The following SGK1 variants were observed in gnomAD, a reference collection of about 807,000 sequenced individuals.
SGK1 encodes the protein serum/glucocorticoid regulated kinase 1.
A neutral mutation model predicts 64.2 loss-of-function variants in SGK1; 26 were observed. The ratio of observed to expected loss-of-function variants is 0.40; its 90% CI spans 0.30 to 0.56. The LOEUF is 0.56. SGK1 is among the 20% of genes least tolerant of loss of function. SGK1 has a pLI of 0.38. For missense variants in SGK1, 519 were observed against 645.6 expected (o/e 0.80, Z 2.12); for synonymous variants, 265 against 239.7 (o/e 1.11, Z -0.98).
chr6:134,264,325 T>C (rs955456886), intron 1 of SGK1, among the ~76,000 whole-genome samples: 4 of 152,028 alleles, frequency 2.6e-5, no homozygotes, highest in Admixed American at 6.6e-5. Context: ...TTCATCGTGT[T>C]AGCCAGGATG....
chr6:134,229,752 G>C (rs1434868039), intron 2 of SGK1, among the ~76,000 whole-genome samples: 1 of 152,166 alleles, frequency 6.6e-6, no homozygotes. Flanking sequence ...TTGTTTGTGT[G>C]TGTGCCCAGG....
chr6:134,297,142 C>T (rs555692828), intron 1 of SGK1: 4 of 592,184 alleles, frequency 6.8e-6, no homozygotes, highest in Admixed American at 5.8e-5. Flanking sequence ...GTGAGGCCCC[C>T]ATAGGCTGAG....
chr6:134,285,516 A>G (rs1299453805), intron 1 of SGK1, among the ~76,000 whole-genome samples: 2 of 148,834 alleles, frequency 1.3e-5, no homozygotes, highest in African/African-American at 5.0e-5. Context: ...TTTTCACCAC[A>G]TCCGCACCAG....
Position 134,261,961 on chromosome 6 carries a change from C to A in SGK1, c.257G>T (p.Cys86Phe). 1 of 1,613,652 alleles carries A rather than the reference C, an allele frequency of 6.2e-7. No homozygotes were observed. The highest frequency in any genetic ancestry group is 8.5e-7 in the Non-Finnish European group (1 of 1,179,594). The change falls in exon 2 of 14, where the codon TGT (cysteine) becomes TTT (phenylalanine). Residue 86 changes from cysteine to phenylalanine, a missense_variant. Cys to Phe is a radical substitution (Grantham distance 205). Coordinates refer to ENST00000367858, the MANE Select transcript of SGK1 (RefSeq NM_001143676.3). ...ACACCCAGATTGAGTTTCCCATGAACATGACTCGTTCTCCTGAGGGAGAAC... is the reference window on the plus strand; with the variant it reads ...ACACCCAGATTGAGTTTCCCATGAAAATGACTCGTTCTCCTGAGGGAGAAC... ...RGVLPQENES[C>F]SWETQSGCEV...
intron 1 of SGK1, among the ~76,000 whole-genome samples, chr6:134,310,206 G>A (rs1222725384): frequency 1.3e-5 from 2 of 152,088 alleles, no homozygotes; most frequent in African/African-American, 4.8e-5. Flanking sequence ...TTCAGCACCA[G>A]CCCTTTAAAA....
intron 13 of SGK1, 58 bp downstream of exon 13, chr6:134,170,768 G>A: frequency 2.7e-6 from 3 of 1,129,788 alleles, no homozygotes; most frequent in Admixed American, 2.0e-5. Context: ...AGACAATTCT[G>A]AATTAAAATA....
chr6:134,192,980 A>G (rs569635746), intron 3 of SGK1, among the ~76,000 whole-genome samples: 34 of 152,328 alleles, frequency 2.2e-4, no homozygotes, highest in African/African-American at 7.9e-4. Flanking sequence ...TACTATGTAC[A>G]ATTTTAAAGT....
chr6:134,297,468 G>T, intron 1 of SGK1: 1 of 638,596 alleles, frequency 1.6e-6, no homozygotes, highest in Non-Finnish European at 2.9e-6. Context: ...CTCAGTCTCA[G>T]CCTGGAGCCA....
intron 3 of SGK1, among the ~76,000 whole-genome samples, chr6:134,189,668 G>A (rs1743960): frequency 0.55 from 83,479 of 152,064 alleles, 23,610 homozygotes; most frequent in African/African-American, 0.61. Flanking sequence ...CACAAGCACA[G>A]ATCATCACAA....
At chr6:134,286,282 G>A (rs1321313515) in intron 1 of SGK1, among the ~76,000 whole-genome samples, 1 of 152,064 alleles carries the variant, frequency 6.6e-6, no homozygotes, top group Admixed American at 6.6e-5. Context: ...CACTTTAGGA[G>A]GCCTGTCTCT....
chr6:134,267,735 G>A (rs1006006236), intron 1 of SGK1, among the ~76,000 whole-genome samples: 1 of 152,236 alleles, frequency 6.6e-6, no homozygotes, highest in Non-Finnish European at 1.5e-5. Context: ...GGATACTATC[G>A]GATACTCCCT....
intron 1 of SGK1, among the ~76,000 whole-genome samples, chr6:134,306,754 G>A (rs1339037197): frequency 1.3e-5 from 2 of 151,784 alleles, no homozygotes; most frequent in Non-Finnish European, 2.9e-5. Context: ...GAATCCGCTC[G>A]CCTCAGCCTC....
intron 1 of SGK1, among the ~76,000 whole-genome samples, chr6:134,305,933 T>C (rs1006916535): frequency 6.6e-6 from 1 of 152,190 alleles, no homozygotes; most frequent in Non-Finnish European, 1.5e-5. Context: ...TCACCATCTT[T>C]TGGCTTTCTG....
At position 134,221,020 on chromosome 6, in the gene SGK1, C is replaced by T. The variant is rs888781073; in HGVS notation, c.286-13589G>A. ...AAAATTTTATTAAAAAAAGTTTGCT[C>T]AGGCCAGGCGCAGTGGCTCATGCCT... On this transcript the variant is annotated intron_variant, in intron 2 of 13. Coordinates refer to ENST00000367858, the MANE Select transcript of SGK1 (RefSeq NM_001143676.3). Among the ~76,000 whole-genome samples, 4 of 150,130 alleles carry T rather than the reference C, an allele frequency of 2.7e-5. No homozygotes were observed. In the Admixed American group the frequency reaches 2.7e-4, roughly 10 times the overall value.
chr6:134,221,999 T>C (rs1776097641), intron 2 of SGK1, among the ~76,000 whole-genome samples: 2 of 152,184 alleles, frequency 1.3e-5, no homozygotes, highest in South Asian at 4.1e-4. Flanking sequence ...ATAAAAAATG[T>C]GAATCATAAA....
At chr6:134,189,046 G>A (rs538154696) in intron 3 of SGK1, among the ~76,000 whole-genome samples, 1 of 150,614 alleles carries the variant, frequency 6.6e-6, no homozygotes, top group African/African-American at 2.4e-5. Context: ...ACGCAACCCA[G>A]ACAATTTTTT....
chr6:134,174,729 C>T, intron 3 of SGK1, 143 bp from the exon 4 acceptor site: 3 of 1,614,208 alleles, frequency 1.9e-6, no homozygotes, highest in Non-Finnish European at 2.5e-6. Flanking sequence ...TTCCTGCACT[C>T]ACCGATGAGA....
intron 2 of SGK1, among the ~76,000 whole-genome samples, chr6:134,228,596 A>G (rs909717457): frequency 5.9e-5 from 9 of 152,206 alleles, no homozygotes; most frequent in African/African-American, 2.2e-4. Flanking sequence ...TTAGCATAAC[A>G]GTATAGGAAT....
At chr6:134,227,943 CTTTTTTTTTTTTT>C (rs869082001) in intron 2 of SGK1, among the ~76,000 whole-genome samples, 2 of 69,730 alleles carry the variant, frequency 2.9e-5, no homozygotes, top group African/African-American at 1.1e-4. Context: ...GGAATTCATT[CTTTTTTTTTTTTT>C]TTTTTTTTTT....
Sources: allele counts gnomAD v4.1 joint callset (sites outside exome capture counted in the v4.1 genomes callset), GRCh38; gene constraint gnomAD v4.1.1; transcripts MANE v1.5; gene names NCBI Gene and HGNC (gene_info 2026-07-23, HGNC 2026-07-21).